NELL2: variants seen among roughly 807,000 people sequenced by gnomAD.
NELL2 encodes neural EGFL like 2.
Under a neutral mutation model 109.6 loss-of-function variants are expected in NELL2, and 41 were observed. The ratio of observed to expected loss-of-function variants is 0.37; its 90% CI spans 0.29 to 0.49. NELL2 has a LOEUF of 0.49. NELL2 is among the 20% of genes least tolerant of loss of function. The pLI is 0.98. For synonymous variants in NELL2, 355 were observed against 344.7 expected (o/e 1.03, Z -0.33); for missense variants, 900 against 1,008.3 (o/e 0.89, Z 1.45).
upstream of NELL2, among the ~76,000 whole-genome samples, chr12:44,916,335 C>A (rs1363435333): frequency 6.6e-6 from 1 of 151,960 alleles, no homozygotes; most frequent in African/African-American, 2.4e-5. Flanking sequence ...TAAAAACAAT[C>A]TGAAGAGGAA....
chr12:44,683,166 A>T (rs1345994082), intron 12 of NELL2, among the ~76,000 whole-genome samples: 1 of 151,950 alleles, frequency 6.6e-6, no homozygotes, highest in Non-Finnish European at 1.5e-5. Context: ...TAGGTATTTT[A>T]TTCTCTTTGA....
At chr12:44,616,325 C>A (rs73284058) in intron 13 of NELL2, among the ~76,000 whole-genome samples, 3,103 of 152,262 alleles carry the variant, frequency 0.02, 123 homozygotes, top group African/African-American at 0.071. Context: ...AAAACAGCAG[C>A]TACAGTAACA....
intron 15 of NELL2, among the ~76,000 whole-genome samples, chr12:44,555,783 A>ACAAATCT (rs1943228685): frequency 6.6e-6 from 1 of 152,186 alleles, no homozygotes; most frequent in Non-Finnish European, 1.5e-5. Context: ...TAAGCAGGAG[A>ACAAATCT]CAAATCTAGC....
Position 44,590,897 on chromosome 12 carries a change from C to CAA in NELL2, c.1663+16270_1663+16271dup, listed in dbSNP as rs59621412. Among the ~76,000 whole-genome samples the CAA allele has an allele frequency of 6.5e-3, 885 of 135,156 alleles. 3 individuals carry two copies. The highest frequency in any genetic ancestry group is 0.023 in the African/African-American group (856 of 37,060). 88.7% of individuals were successfully genotyped at this position (135,156 alleles called of 152,430 possible). On this transcript the variant is annotated intron_variant, in intron 15 of 19. Transcript: ENST00000429094. The stretch of plus-strand genomic sequence containing the variant: ...CCAAGGAATTAATATGCAGAATATA[C>CAA]AAAAAAAAAAACCAACCTTGACTCA...
chr12:44,508,750 C>G lies in NELL2; in HGVS notation c.*184G>C. 1.7e-6 allele frequency: 1 copy of G among 600,344 alleles called. No individual in the cohort carries two copies. Among genetic ancestry groups the G allele is most frequent in the Non-Finnish European group, 3.0e-6 (1 of 332,500 alleles). 37.2% of individuals were successfully genotyped at this position (600,344 alleles called of 1,614,324 possible). ...GAGGCAGACTTGAGGTCTAATTTTGCCCCAGTAATTTTCCTTTTGTGATTT... is the reference window on the plus strand; with the variant it reads ...GAGGCAGACTTGAGGTCTAATTTTGGCCCAGTAATTTTCCTTTTGTGATTT... On this transcript the variant is annotated 3_prime_UTR_variant, in exon 20 of 20. Transcript: ENST00000429094.
chr12:44,648,543 G>A (rs1308699315), intron 13 of NELL2, among the ~76,000 whole-genome samples: 2 of 151,888 alleles, frequency 1.3e-5, no homozygotes, highest in Non-Finnish European at 2.9e-5. Context: ...AGTTTCTAGA[G>A]AGGGAAACAA....
intron 13 of NELL2, among the ~76,000 whole-genome samples, chr12:44,617,616 T>C (rs11182563): frequency 0.58 from 63,316 of 109,434 alleles, 20,122 homozygotes; most frequent in African/African-American, 0.87. Flanking sequence ...GGCGTGAACC[T>C]GGGAGGCGGA....
In NELL2 at chr12:44,702,238, T is replaced by C. The variant is rs188594979; in HGVS notation, c.1318+1488A>G. Among the ~76,000 whole-genome samples the C allele has an allele frequency of 8.5e-5, 13 of 152,278 alleles. No homozygotes were observed. In the East Asian group the frequency reaches 2.1e-3, roughly 25 times the overall value. On this transcript the variant is annotated intron_variant, in intron 12 of 19. Transcript: ENST00000429094. ...TTTTACTACCCGAAATTGTCTTCTC[T>C]AGTTCTATAGTCACCCACTAATTCT...
intron 12 of NELL2, among the ~76,000 whole-genome samples, chr12:44,691,144 T>G (rs1948886702): frequency 6.6e-6 from 1 of 152,194 alleles, no homozygotes; most frequent in Non-Finnish European, 1.5e-5. Flanking sequence ...AACTGCCTTT[T>G]ACAGATAATG....
upstream of NELL2, chr12:44,876,728 G>A (rs1945339018): frequency 6.5e-7 from 1 of 1,537,540 alleles, no homozygotes. Flanking sequence ...AAGCCCATGT[G>A]CACTCGTGCA....
At chr12:44,720,290 G>C (rs1375139539) in intron 9 of NELL2, among the ~76,000 whole-genome samples, 2 of 152,036 alleles carry the variant, frequency 1.3e-5, no homozygotes, top group Non-Finnish European at 2.9e-5. Context: ...ATACTCTCAA[G>C]GTTTGTTAAA....
intron 14 of NELL2, among the ~76,000 whole-genome samples, chr12:44,608,263 A>G (rs1945478140): frequency 6.6e-6 from 1 of 152,108 alleles, no homozygotes; most frequent in Admixed American, 6.6e-5. Context: ...GGTAGAATAC[A>G]CTTTTTCAGA....
chr12:44,829,593 GA>G (rs1209085294), intron 2 of NELL2, among the ~76,000 whole-genome samples: 4 of 152,108 alleles, frequency 2.6e-5, no homozygotes, highest in Non-Finnish European at 5.9e-5. Flanking sequence ...TTAAAGAAAA[GA>G]AAAAACCTTG....
chr12:44,907,784 C>A (rs1945735603), intron 1 of NELL2, among the ~76,000 whole-genome samples: 1 of 151,864 alleles, frequency 6.6e-6, no homozygotes, highest in Non-Finnish European at 1.5e-5. Flanking sequence ...GAGAGGGAAA[C>A]CAGTGATTGG....
chr12:44,588,041 C>A (rs1944597748), intron 15 of NELL2, among the ~76,000 whole-genome samples: 1 of 151,904 alleles, frequency 6.6e-6, no homozygotes, highest in South Asian at 2.1e-4. Flanking sequence ...GTCCCAGCCA[C>A]TCGGGAGGCT....
rs1404913717 is a variant in NELL2 at position 44,553,553 on chromosome 12, A to G, written c.1664-20832T>C. On this transcript the variant is annotated intron_variant, in intron 15 of 19. Coordinates refer to ENST00000429094, the MANE Select transcript of NELL2 (RefSeq NM_001145108.2). ...AACCTAGTGTAAGGCAGTAAATTTT[A>G]AAAAGGTCAAATATATAGTGAACTA... is the stretch of plus-strand genomic sequence containing the variant. Among the ~76,000 whole-genome samples the G allele has an allele frequency of 8.5e-5, 13 of 152,190 alleles. 1 individual carries two copies. Among genetic ancestry groups the G allele is most frequent in the Admixed American group, 8.5e-4 (13 of 15,284 alleles).
intron 15 of NELL2, among the ~76,000 whole-genome samples, chr12:44,541,144 G>A (rs936840094): frequency 3.3e-5 from 5 of 150,900 alleles, no homozygotes; most frequent in African/African-American, 7.3e-5. Flanking sequence ...CCAGCTACTC[G>A]GGAGGCTGAG....
intron 2 of NELL2, among the ~76,000 whole-genome samples, chr12:44,840,657 T>C (rs936094187): frequency 4.0e-5 from 6 of 149,762 alleles, no homozygotes; most frequent in Non-Finnish European, 7.4e-5. Context: ...AAAGCCATAA[T>C]ATATGCTGTA....
intron 1 of NELL2, among the ~76,000 whole-genome samples, chr12:44,885,924 A>AG (rs1457628678): frequency 6.6e-6 from 1 of 151,912 alleles, no homozygotes; most frequent in African/African-American, 2.4e-5. Context: ...TTTTAGCATA[A>AG]GGCTAGACAT....
Sources: allele counts gnomAD v4.1 joint callset (sites outside exome capture counted in the v4.1 genomes callset), GRCh38; gene constraint gnomAD v4.1.1; transcripts MANE v1.5; gene names NCBI Gene and HGNC (gene_info 2026-07-23, HGNC 2026-07-21).